Variants in TEX26 observed in about 807,000 individuals in gnomAD.
TEX26 encodes testis-expressed protein 26.
A neutral mutation model predicts 35.3 loss-of-function variants in TEX26; 34 were observed. The observed-to-expected ratio is 0.96, with a 90% CI of 0.73 to 1.28. TEX26 has a LOEUF of 1.28. Among genes scored for constraint, TEX26 ranks in the 50% most tolerant of loss-of-function variants. The pLI is 0.00. For synonymous variants in TEX26, 136 were observed against 111.8 expected (o/e 1.22, Z -1.36); for missense variants, 371 against 330.1 (o/e 1.12, Z -0.96).
At chr13:30,956,129 A>G (rs1954117242) in intron 3 of TEX26, among the ~76,000 whole-genome samples, 1 of 151,406 alleles carries the variant, frequency 6.6e-6, no homozygotes, top group East Asian at 1.9e-4. Context: ...CTAGTCATTT[A>G]GCATTAGGTA....
intron 6 of TEX26, 53 bp downstream of exon 6, chr13:30,969,099 C>T: frequency 2.0e-6 from 3 of 1,487,212 alleles, no homozygotes; most frequent in South Asian, 1.4e-5. Flanking sequence ...ATTGCTTTTG[C>T]CAAATAGAAA....
chr13:30,970,377 G>C (rs1954674825), intron 6 of TEX26, among the ~76,000 whole-genome samples: 1 of 152,094 alleles, frequency 6.6e-6, no homozygotes, highest in Admixed American at 6.5e-5. Context: ...GGAACATGGA[G>C]TGAGTATGAT....
intron 5 of TEX26, among the ~76,000 whole-genome samples, chr13:30,968,421 C>A (rs886982214): frequency 6.6e-6 from 1 of 152,220 alleles, no homozygotes; most frequent in Non-Finnish European, 1.5e-5. Context: ...TTCATCAGTG[C>A]AGATTCCCTG....
At chr13:30,949,056 T>A (rs911206730) in intron 2 of TEX26, among the ~76,000 whole-genome samples, 3 of 152,198 alleles carry the variant, frequency 2.0e-5, no homozygotes, top group Admixed American at 1.3e-4. Flanking sequence ...GCTGTAGATA[T>A]GCGGCATTAT....
chr13:30,961,086 C>A (rs983122443), intron 4 of TEX26, among the ~76,000 whole-genome samples: 1 of 152,196 alleles, frequency 6.6e-6, no homozygotes, highest in African/African-American at 2.4e-5. Context: ...GTAATTCTGA[C>A]TGCTGGCATT....
intron 4 of TEX26, among the ~76,000 whole-genome samples, chr13:30,965,584 T>G (rs1168511428): frequency 1.3e-5 from 2 of 152,368 alleles, no homozygotes; most frequent in African/African-American, 4.8e-5. Flanking sequence ...GCCTCTGTAA[T>G]CTGATAATGT....
intron 1 of TEX26, 109 bp from the exon 2 acceptor site, chr13:30,939,585 A>G: frequency 2.1e-6 from 2 of 941,316 alleles, no homozygotes; most frequent in East Asian, 2.7e-5. Context: ...CTAAAGATAA[A>G]CCATCCAAAA....
chr13:30,932,799 T>A (rs1338465400), intron 1 of TEX26, 23 bp downstream of exon 1: 2 of 1,611,724 alleles, frequency 1.2e-6, no homozygotes, highest in Non-Finnish European at 1.7e-6. Flanking sequence ...ACTCTGCCGG[T>A]CTGCGGGGCG....
At chr13:30,965,561 G>C (rs994766173) in intron 4 of TEX26, among the ~76,000 whole-genome samples, 1 of 152,208 alleles carries the variant, frequency 6.6e-6, no homozygotes, top group African/African-American at 2.4e-5. Context: ...AAGTGAGATG[G>C]ATTGTGACTC....
At chr13:30,945,945 T>C (rs1953692168) in intron 2 of TEX26, among the ~76,000 whole-genome samples, 1 of 151,970 alleles carries the variant, frequency 6.6e-6, no homozygotes, top group Non-Finnish European at 1.5e-5. Flanking sequence ...TAAAGTCCTT[T>C]TTGTGATGAA....
intron 3 of TEX26, among the ~76,000 whole-genome samples, chr13:30,953,743 C>G (rs1042341220): frequency 1.3e-5 from 2 of 152,194 alleles, no homozygotes; most frequent in Admixed American, 1.3e-4. Flanking sequence ...GTGGAAATAG[C>G]TGATTCTCCG....
intron 2 of TEX26, among the ~76,000 whole-genome samples, chr13:30,951,881 C>T (rs775151343): frequency 7.4e-4 from 111 of 149,416 alleles, no homozygotes; most frequent in Admixed American, 1.5e-3. Flanking sequence ...AAAAGGTCCA[C>T]ACATTTCATT....
At chr13:30,972,141 C>T (rs1954733400) in intron 6 of TEX26, among the ~76,000 whole-genome samples, 1 of 152,158 alleles carries the variant, frequency 6.6e-6, no homozygotes. Context: ...GGGGTACTCC[C>T]AACCCTATGG....
chr13:30,965,024 A>C (rs1271351676), intron 4 of TEX26, among the ~76,000 whole-genome samples: 61 of 152,192 alleles, frequency 4.0e-4, no homozygotes, highest in Admixed American at 4.0e-3. Context: ...CAGGAACAGT[A>C]CCAGATGGTT....
chr13:30,937,370 C>G (rs2138166653), intron 1 of TEX26, among the ~76,000 whole-genome samples: 1 of 152,238 alleles, frequency 6.6e-6, no homozygotes, highest in South Asian at 2.1e-4. Context: ...CATATCTGAG[C>G]CTAATAGAAA....
chr13:30,934,668 C>T (rs1260316317), intron 1 of TEX26, among the ~76,000 whole-genome samples: 2 of 152,164 alleles, frequency 1.3e-5, no homozygotes, highest in African/African-American at 4.8e-5. Context: ...AGCAGGGAAG[C>T]ACAGCTGGGG....
At chr13:30,936,196 A>G (rs754711559) in intron 1 of TEX26, among the ~76,000 whole-genome samples, 1 of 152,224 alleles carries the variant, frequency 6.6e-6, no homozygotes, top group Non-Finnish European at 1.5e-5. Flanking sequence ...AATATATGTG[A>G]AAATATTTTG....
chr13:30,956,740 C>T (rs1954146380), intron 3 of TEX26, 133 bp from the exon 4 acceptor site: 2 of 769,968 alleles, frequency 2.6e-6, no homozygotes, highest in South Asian at 1.9e-5. Flanking sequence ...GACGGGCTCC[C>T]AGCATCCATG....
intron 1 of TEX26, among the ~76,000 whole-genome samples, 183 bp from the exon 2 acceptor site, chr13:30,939,511 A>G (rs1566139960): frequency 6.6e-6 from 1 of 152,210 alleles, no homozygotes; most frequent in Non-Finnish European, 1.5e-5. Context: ...TTTGGGGTGA[A>G]ACAGATAAGT....
Sources: gnomAD v4.1 joint callset for allele counts (sites outside exome capture counted in the v4.1 genomes callset) on GRCh38, gnomAD v4.1.1 for gene constraint, MANE v1.5 for transcripts, NCBI Gene and HGNC (gene_info 2026-07-23, HGNC 2026-07-21) for gene names.